CDC25A: variants seen among roughly 807,000 people sequenced by gnomAD.
CDC25A encodes the protein cell division cycle 25A.
Under a neutral mutation model 64.6 loss-of-function variants are expected in CDC25A, and 17 were observed. The observed-to-expected ratio is 0.26, with a 90% CI of 0.18 to 0.39. The LOEUF (loss-of-function observed/expected upper bound fraction) is 0.39, where lower values mean the gene tolerates loss of function less well. Ranked by LOEUF, CDC25A falls within the 10% of genes least tolerant of loss-of-function variation. The pLI, the probability that CDC25A is intolerant of heterozygous loss-of-function variation, is 1.00. For missense variants in CDC25A, 473 were observed against 654.8 expected, an observed-to-expected ratio of 0.72 and a Z score of 3.03; for synonymous variants, 229 against 238.6, an observed-to-expected ratio of 0.96 and a Z score of 0.37.
At chr3:48,159,306 C>A (rs377682106) in intron 14 of CDC25A, 38 bp downstream of exon 14, 329 of 1,451,516 alleles carry the variant, frequency 2.3e-4, no homozygotes, top group Non-Finnish European at 2.9e-4. Context: ...CCACTGGGGG[C>A]AGGGGAGGAG....
chr3:48,178,010 TTAA>T (rs763044930), intron 6 of CDC25A, 22 bp from the exon 7 acceptor site: 14 of 1,594,600 alleles, frequency 8.8e-6, no homozygotes, highest in Admixed American at 1.8e-5. Flanking sequence ...AATTCATGGA[TTAA>T]TAATGAGAGC....
intron 5 of CDC25A, 66 bp from the exon 6 acceptor site, chr3:48,180,906 G>A (rs1398628683): frequency 6.4e-7 from 1 of 1,565,446 alleles, no homozygotes; most frequent in African/African-American, 1.4e-5. Flanking sequence ...TTGGGTGAAA[G>A]AGGCAAGAAA....
Position 48,177,843 on chromosome 3 carries a change from AC to A in CDC25A, c.684+10del. 1 of 1,613,858 alleles carries A rather than the reference AC, an allele frequency of 6.2e-7. No homozygotes were observed. The highest frequency in any genetic ancestry group is 8.5e-7 in the Non-Finnish European group (1 of 1,179,852). ...AGAACAAATAGGAACACACACACAC[AC>A]ACACGGTACCTTCAGATTCTCTCCA... On this transcript the variant is annotated intron_variant, in intron 7 of 14. Coordinates refer to ENST00000302506, the MANE Select transcript of CDC25A (RefSeq NM_001789.3).
In CDC25A at chr3:48,177,415, C is replaced by T. The variant is rs753832415; in HGVS notation, c.712G>A (p.Ala238Thr). 10 of 1,613,796 alleles carry T rather than the reference C, an allele frequency of 6.2e-6. No individual in the cohort carries two copies. The change falls in exon 8 of 15, where the codon GCA (alanine) becomes ACA (threonine). Residue 238 changes from alanine to threonine, a missense_variant. Ala to Thr is a moderately conservative substitution (Grantham distance 58). Around this residue, in one of 2 missense-constraint regions of CDC25A, gnomAD observed 376 missense variants for 431.9 expected, o/e 0.87. Transcript: ENST00000302506. ...KNEEETPSCM[A>T]SLWTAPLVMR... ...ACGAGAGGAGCTGTCCAGAGGCTTG[C>T]CATGCACGAGGGGGTCTCCTCCTCA... is the stretch of plus-strand genomic sequence containing the variant.
intron 2 of CDC25A, among the ~76,000 whole-genome samples, chr3:48,184,938 G>C (rs3731498): frequency 1.3e-5 from 2 of 152,082 alleles, no homozygotes; most frequent in Non-Finnish European, 2.9e-5. Flanking sequence ...ATAACATCAA[G>C]GGAAATAGGA....
At chr3:48,184,847 T>C in intron 2 of CDC25A, 152 bp from the exon 3 acceptor site, 1 of 601,218 alleles carries the variant, frequency 1.7e-6, no homozygotes, top group South Asian at 2.2e-5. Flanking sequence ...ATGTTACGTC[T>C]ATTAGATTGT....
intron 6 of CDC25A, chr3:48,180,518 A>G: frequency 2.0e-6 from 1 of 495,156 alleles, no homozygotes. Context: ...AATATTTCAA[A>G]CACCATCTCC....
intron 3 of CDC25A, among the ~76,000 whole-genome samples, chr3:48,184,154 T>C (rs1306717507): frequency 6.6e-6 from 1 of 151,286 alleles, no homozygotes; most frequent in Non-Finnish European, 1.5e-5. Flanking sequence ...AGGTCAGGAG[T>C]CTCGAACTCC....
At chr3:48,167,223 A>AT (rs944802714) in intron 10 of CDC25A, among the ~76,000 whole-genome samples, 3 of 152,224 alleles carry the variant, frequency 2.0e-5, no homozygotes, top group African/African-American at 7.2e-5. Flanking sequence ...TGCCTAACAC[A>AT]TAAGTGCTTC....
chr3:48,165,695 T>C lies in CDC25A; in HGVS notation c.1132A>G (p.Lys378Glu), dbSNP rs767652640. ...VLNGKFANLI[K>E]EFVIIDCRYP... is the part of the protein sequence containing the mutation. ...CGACAGTCGATGATAACAAACTCTTTAATGAGGTTGGCAAACTTGCCATTC... is the reference window on the plus strand; with the variant it reads ...CGACAGTCGATGATAACAAACTCTTCAATGAGGTTGGCAAACTTGCCATTC... The change falls in exon 12 of 15, where the codon AAA becomes GAA. Residue 378 changes from lysine (K) to glutamate (E), a missense_variant. By Grantham distance (56) the Lys-to-Glu change is moderately conservative. Coordinates refer to ENST00000302506, the MANE Select transcript of CDC25A (RefSeq NM_001789.3). 2 of 1,613,960 alleles carry C rather than the reference T, an allele frequency of 1.2e-6. No individual in the cohort carries two copies. The highest frequency in any genetic ancestry group is 1.7e-5 in the Admixed American group (1 of 60,004).
At chr3:48,168,320 G>T (rs1460919322) in intron 9 of CDC25A, among the ~76,000 whole-genome samples, 1 of 149,788 alleles carries the variant, frequency 6.7e-6, no homozygotes, top group Non-Finnish European at 1.5e-5. Flanking sequence ...AATCGCTTGA[G>T]CCCAGGAGTT....
At position 48,168,359 on chromosome 3, in the gene CDC25A, T is replaced by TA. The variant is rs1559958431; in HGVS notation, c.931-416_931-415insT. ...GACCAGATCAAAGAGCAAGACCCTG[T>TA]CCACACACACACACACACACACACA... On this transcript the variant is annotated intron_variant, in intron 9 of 14. Coordinates refer to ENST00000302506, the MANE Select transcript of CDC25A (RefSeq NM_001789.3). 3.0e-4 allele frequency among the ~76,000 whole-genome samples: 15 copies of TA among 49,896 alleles called. No homozygotes were observed. The East Asian group carries it at 9.9e-3, about 33-fold the overall frequency. 32.7% of individuals were successfully genotyped at this position (49,896 alleles called of 152,430 possible).
intron 1 of CDC25A, among the ~76,000 whole-genome samples, chr3:48,187,495 TAGA>T (rs1261484903): frequency 2.0e-5 from 3 of 152,238 alleles, no homozygotes; most frequent in East Asian, 1.9e-4. Context: ...GGGATAGAGA[TAGA>T]AGGAGAGTAC....
In CDC25A at chr3:48,186,764, T is replaced by A. The variant is rs774672039; in HGVS notation, c.186A>T (p.Pro62=). The change falls in exon 2 of 15, where the codon CCA becomes CCT. Residue 62 remains proline (P), a synonymous_variant. Coordinates refer to ENST00000302506, the MANE Select transcript of CDC25A (RefSeq NM_001789.3). ...LQGLGSDYEQ[P]LEVKNNSNLQ... ...GATTACTGTTGTTCTTCACCTCCAG[T>A]GGTTGCTCATAATCACTGAAACCAA... 3.1e-6 allele frequency: 5 copies of A among 1,596,542 alleles called. No homozygotes were observed. The African/African-American group carries it at 6.7e-5, about 21-fold the overall frequency.
At chr3:48,179,628 A>G (rs1575270603) in intron 6 of CDC25A, among the ~76,000 whole-genome samples, 1 of 152,130 alleles carries the variant, frequency 6.6e-6, no homozygotes, top group African/African-American at 2.4e-5. Context: ...CGGCCTCCCA[A>G]AGTGCTGGGA....
At chr3:48,179,072 C>A (rs115855361) in intron 6 of CDC25A, among the ~76,000 whole-genome samples, 2 of 152,186 alleles carry the variant, frequency 1.3e-5, no homozygotes, top group Non-Finnish European at 2.9e-5. Flanking sequence ...ATCCTCTCTG[C>A]AGCTGGCCTA....
At chr3:48,165,793 T>C in intron 11 of CDC25A, 38 bp downstream of exon 11, 1 of 1,585,092 alleles carries the variant, frequency 6.3e-7, no homozygotes, top group East Asian at 2.2e-5. Context: ...TAGATTCAAG[T>C]ACCCGATGTG....
chr3:48,176,846 C>A (rs2032481174), intron 8 of CDC25A, among the ~76,000 whole-genome samples: 1 of 151,502 alleles, frequency 6.6e-6, no homozygotes, highest in African/African-American at 2.4e-5. Context: ...TGGCAGGCAC[C>A]TGTAATCCCA....
chr3:48,186,569 C>CA (rs750148404), intron 2 of CDC25A, 134 bp downstream of exon 2: 35,007 of 382,162 alleles, frequency 0.092, 10 homozygotes, highest in East Asian at 0.11. Context: ...AACTCTGTCT[C>CA]AAAAAAAAAA....
Sources: allele counts gnomAD v4.1 joint callset (sites outside exome capture counted in the v4.1 genomes callset), GRCh38; gene constraint gnomAD v4.1.1; regional missense constraint gnomAD v4.1.1; transcripts MANE v1.5; gene names NCBI Gene and HGNC (gene_info 2026-07-23, HGNC 2026-07-21).